Variants in ST3GAL5 observed in about 807,000 individuals in gnomAD.
ST3GAL5 encodes lactosylceramide alpha-2,3-sialyltransferase.
ST3GAL5 carries 25 observed loss-of-function variants against 46.1 expected under a neutral mutation model. The observed-to-expected ratio is 0.54, with a 90% CI of 0.40 to 0.76. ST3GAL5 has a LOEUF of 0.76. Among genes scored for constraint, ST3GAL5 ranks in the 30% least tolerant of loss-of-function variants. ST3GAL5 has a pLI of 0.00. For missense variants in ST3GAL5, 431 were observed against 521.2 expected (o/e 0.83, Z 1.69); for synonymous variants, 182 against 192.7 (o/e 0.94, Z 0.46).
intron 3 of ST3GAL5, chr2:85,849,777 T>C (rs571345968): frequency 1.3e-5 from 2 of 152,266 alleles, no homozygotes; most frequent in East Asian, 3.9e-4. Context: ...TGTGCTTTTT[T>C]ATCCTTGTCT....
At position 85,840,174 on chromosome 2, in the gene ST3GAL5, A is replaced by G; in HGVS notation, c.1227T>C (p.Asp409=). 6.2e-7 allele frequency: 1 copy of G among 1,614,188 alleles called. No homozygotes were observed. Among genetic ancestry groups the G allele is most frequent in the South Asian group, 1.1e-5 (1 of 91,084 alleles). ...LKLVKEGVVK[D]LSGGIDREF is the part of the protein sequence containing the mutation. The stretch of plus-strand genomic sequence containing the variant: ...ATTCACGATCAATGCCTCCACTGAG[A>G]TCTTTCACCACTCCCTCTTTGACCA... The change falls in exon 7 of 7, where the codon GAT becomes GAC. Residue 409 remains aspartate (D), a synonymous_variant. Transcript: ENST00000638572.
chr2:85,869,948 G>A (rs571648625), intron 1 of ST3GAL5: 19 of 315,428 alleles, frequency 6.0e-5, no homozygotes, highest in South Asian at 3.5e-4. Context: ...TGGTGAGCGC[G>A]CACACACACG....
rs749118839 is a variant in ST3GAL5, at chr2:85,840,258, A to G, written c.1143T>C (p.Ala381=). The change falls in exon 7 of 7, where the codon GCT becomes GCC. Residue 381 remains alanine, a synonymous_variant. Coordinates refer to ENST00000638572, the MANE Select transcript of ST3GAL5 (RefSeq NM_003896.4). ...TATGCATGGTCTGAAAGTTCATAGC[A>G]GCCATGCATTGACTGTCGAAGTAGT... ...PLHYFDSQCM[A]AMNFQTMHNV... 8 of 1,614,106 alleles carry G rather than the reference A, an allele frequency of 5.0e-6. No individual in the cohort carries two copies. The South Asian group carries it at 7.7e-5, about 16-fold the overall frequency.
rs372176130 is a variant in ST3GAL5, at chr2:85,851,607, G to T, written c.319-3403C>A. The T allele has an allele frequency of 4.7e-6, 6 of 1,289,276 alleles. No homozygotes were observed. The South Asian group carries it at 7.4e-5, about 16-fold the overall frequency. 79.9% of individuals were successfully genotyped at this position (1,289,276 alleles called of 1,614,324 possible). ...CCCACATCTTTAAGTAAGTTGAACC[G>T]GCATCTGCTTCAGCTGCTCTCTTCC... On this transcript the variant is annotated intron_variant, in intron 3 of 6. Transcript: ENST00000638572.
chr2:85,883,220 C>T (rs1372466499), intron 1 of ST3GAL5, among the ~76,000 whole-genome samples: 2 of 152,080 alleles, frequency 1.3e-5, no homozygotes, highest in African/African-American at 2.4e-5. Context: ...TGGGAGGGAC[C>T]CGGGGGAGGT....
chr2:85,864,844 T>G (rs1002514076), intron 1 of ST3GAL5, among the ~76,000 whole-genome samples: 1 of 152,212 alleles, frequency 6.6e-6, no homozygotes, highest in African/African-American at 2.4e-5. Flanking sequence ...CAGTCTCCCT[T>G]GGAGCTAGGA....
At chr2:85,850,045 T>G (rs1683302780) in intron 3 of ST3GAL5, 1 of 152,196 alleles carries the variant, frequency 6.6e-6, no homozygotes, top group Non-Finnish European at 1.5e-5. Context: ...CATTTTCTGA[T>G]TTTTGCTTAA....
intron 6 of ST3GAL5, 96 bp from the exon 7 acceptor site, chr2:85,840,488 C>T: frequency 6.6e-6 from 9 of 1,360,276 alleles, no homozygotes; most frequent in Non-Finnish European, 9.3e-6. Flanking sequence ...GTCATGAAAG[C>T]TACATTGGGG....
chr2:85,859,672 T>G (rs2104044428), intron 3 of ST3GAL5, among the ~76,000 whole-genome samples: 1 of 152,314 alleles, frequency 6.6e-6, no homozygotes, highest in South Asian at 2.1e-4. Flanking sequence ...ATTTATTTGT[T>G]TATACCTGTC....
chr2:85,851,699 A>C (rs1043103344), intron 3 of ST3GAL5: 46 of 1,289,322 alleles, frequency 3.6e-5, no homozygotes, highest in Admixed American at 1.4e-4. Context: ...CCGCACCTTC[A>C]GGAGCTGCAA....
At chr2:85,844,585 AT>A in intron 5 of ST3GAL5, 31 bp from the exon 6 acceptor site, 2 of 1,613,624 alleles carry the variant, frequency 1.2e-6, no homozygotes, top group Non-Finnish European at 1.7e-6. Flanking sequence ...GTTGTTAGTC[AT>A]CCTTCTAGGG....
chr2:85,853,797 C>A (rs551939745), intron 3 of ST3GAL5: 1 of 152,408 alleles, frequency 6.6e-6, no homozygotes, highest in South Asian at 2.1e-4. Context: ...CAGTGATAGG[C>A]AACTCTTGCC....
chr2:85,842,700 C>T (rs944989551), intron 6 of ST3GAL5, among the ~76,000 whole-genome samples: 1 of 151,886 alleles, frequency 6.6e-6, no homozygotes, highest in Non-Finnish European at 1.5e-5. Flanking sequence ...TCTTCACAGG[C>T]TGGTGTCTAT....
intron 3 of ST3GAL5, 59 bp downstream of exon 3, chr2:85,861,122 T>C (rs1444023220): frequency 2.7e-6 from 3 of 1,116,174 alleles, no homozygotes; most frequent in African/African-American, 3.1e-5. Context: ...AATGATATTA[T>C]AGTTTGAGCA....
chr2:85,851,474 A>G, intron 3 of ST3GAL5: 1 of 1,268,180 alleles, frequency 7.9e-7, no homozygotes, highest in Non-Finnish European at 1.0e-6. Context: ...AGCCACTCAG[A>G]ACAGGAGGAC....
chr2:85,852,833 C>T (rs1298602891), intron 3 of ST3GAL5: 1 of 1,284,020 alleles, frequency 7.8e-7, no homozygotes, highest in Non-Finnish European at 1.0e-6. Flanking sequence ...AGCATTTCTC[C>T]CTAGGTCGAG....
intron 1 of ST3GAL5, among the ~76,000 whole-genome samples, chr2:85,875,869 A>C (rs1365743514): frequency 6.6e-6 from 1 of 152,110 alleles, no homozygotes; most frequent in Non-Finnish European, 1.5e-5. Flanking sequence ...AAGCAGACCT[A>C]CCCACAAAGC....
At chr2:85,863,262 C>T (rs1186571944) in intron 2 of ST3GAL5, 100 bp downstream of exon 2, 1 of 1,603,466 alleles carries the variant, frequency 6.2e-7, no homozygotes, top group Non-Finnish European at 8.5e-7. Flanking sequence ...GCATGCCTCT[C>T]CAACATTAGC....
chr2:85,879,413 A>C (rs749565972), intron 1 of ST3GAL5, among the ~76,000 whole-genome samples: 1 of 152,166 alleles, frequency 6.6e-6, no homozygotes, highest in Non-Finnish European at 1.5e-5. Flanking sequence ...AAAATGATTT[A>C]ATGGTGAAGG....
Sources: gnomAD v4.1 joint callset for allele counts (sites outside exome capture counted in the v4.1 genomes callset) on GRCh38, gnomAD v4.1.1 for gene constraint, MANE v1.5 for transcripts, NCBI Gene and HGNC (gene_info 2026-07-23, HGNC 2026-07-21) for gene names.